Variants in ANK3 observed in about 807,000 individuals in gnomAD.
ANK3 encodes ankyrin-3.
Under a neutral mutation model 370.9 loss-of-function variants are expected in ANK3, and 57 were observed. That is an observed-to-expected ratio of 0.15 (90% CI 0.12 to 0.19). The LOEUF (loss-of-function observed/expected upper bound fraction) is 0.19, where lower values mean the gene tolerates loss of function less well. ANK3 is among the 10% of genes least tolerant of loss of function. The pLI is 1.00. For missense variants in ANK3, 4,439 were observed against 5,302.1 expected, an observed-to-expected ratio of 0.84 and a Z score of 5.06; for synonymous variants, 1,929 against 1,946.3, an observed-to-expected ratio of 0.99 and a Z score of 0.23.
intron 41 of ANK3, among the ~76,000 whole-genome samples, chr10:60,058,458 C>G (rs1589371517): frequency 6.6e-6 from 1 of 152,066 alleles, no homozygotes; most frequent in Admixed American, 6.6e-5. Flanking sequence ...AACTGTGTAT[C>G]TTTCAAATTA....
At chr10:60,652,859 A>C (rs1445701077) in intron 1 of ANK3, among the ~76,000 whole-genome samples, 2 of 152,170 alleles carry the variant, frequency 1.3e-5, no homozygotes, top group East Asian at 3.9e-4. Flanking sequence ...GGCTCTCTAG[A>C]GACCAGATAG....
intron 1 of ANK3, among the ~76,000 whole-genome samples, chr10:60,648,748 T>G (rs1256396099): frequency 1.5e-5 from 2 of 129,612 alleles, no homozygotes; most frequent in Admixed American, 1.7e-4. Flanking sequence ...CCAGCCTGGG[T>G]GACAGAATAA....
chr10:60,273,641 A>G (rs1235512361), intron 4 of ANK3, among the ~76,000 whole-genome samples: 1 of 152,192 alleles, frequency 6.6e-6, no homozygotes, highest in Non-Finnish European at 1.5e-5. Flanking sequence ...AGAGATAGTG[A>G]TATGATTTGG....
intron 2 of ANK3, among the ~76,000 whole-genome samples, chr10:60,580,016 A>G (rs1416611209): frequency 6.6e-6 from 1 of 152,224 alleles, no homozygotes; most frequent in Admixed American, 6.5e-5. Flanking sequence ...AACCTCATCA[A>G]CATAAGTTAG....
At chr10:60,430,461 C>T (rs930267469) in intron 2 of ANK3, among the ~76,000 whole-genome samples, 2 of 139,178 alleles carry the variant, frequency 1.4e-5, no homozygotes, top group African/African-American at 5.4e-5. Context: ...CTTCTCTATT[C>T]TCAGAATCTG....
At chr10:60,464,049 CTG>C in intron 2 of ANK3, among the ~76,000 whole-genome samples, 1 of 152,274 alleles carries the variant, frequency 6.6e-6, no homozygotes, top group Middle Eastern at 3.4e-3. Flanking sequence ...TCTCTCCACA[CTG>C]TATGAAACTT....
intron 8 of ANK3, among the ~76,000 whole-genome samples, chr10:60,220,912 A>G (rs1591953102): frequency 6.6e-6 from 1 of 152,186 alleles, no homozygotes; most frequent in East Asian, 1.9e-4. Context: ...CAGAAAAATA[A>G]CTATTTTAGC....
chr10:60,353,384 C>A (rs1566794213), intron 1 of ANK3, among the ~76,000 whole-genome samples: 1 of 152,060 alleles, frequency 6.6e-6, no homozygotes, highest in Non-Finnish European at 1.5e-5. Context: ...AATAGAATAT[C>A]TTTTCATTAC....
At chr10:60,426,632 G>T (rs2063894139) in intron 2 of ANK3, among the ~76,000 whole-genome samples, 1 of 152,058 alleles carries the variant, frequency 6.6e-6, no homozygotes, top group Admixed American at 6.6e-5. Context: ...GTGCTAATAT[G>T]TAAGAAGTGC....
chr10:60,705,783 T>A (rs1429835047), intron 1 of ANK3, among the ~76,000 whole-genome samples: 1 of 151,824 alleles, frequency 6.6e-6, no homozygotes, highest in African/African-American at 2.4e-5. Flanking sequence ...TCATTATACA[T>A]TCCCAGTTTT....
intron 25 of ANK3, among the ~76,000 whole-genome samples, chr10:60,119,779 T>A (rs1238252170): frequency 6.6e-6 from 1 of 151,878 alleles, no homozygotes; most frequent in Non-Finnish European, 1.5e-5. Flanking sequence ...CTCAAAAAAA[T>A]AATAAATAAA....
At chr10:60,046,843 G>A (rs1446129395) in intron 42 of ANK3, among the ~76,000 whole-genome samples, 1 of 134,154 alleles carries the variant, frequency 7.5e-6, no homozygotes, top group East Asian at 2.2e-4. Flanking sequence ...GTCTCGCTCT[G>A]TTGCCCCAGC....
intron 23 of ANK3, chr10:60,140,297 T>G: frequency 6.4e-7 from 1 of 1,566,762 alleles, no homozygotes. Context: ...TATTTGCACA[T>G]TCACTGCATC....
chr10:60,140,729 T>C (rs2132214700), intron 23 of ANK3: 2 of 1,154,638 alleles, frequency 1.7e-6, no homozygotes, highest in Non-Finnish European at 2.1e-6. Context: ...GACAGAATGG[T>C]GACATAAATG....
At position 60,664,599 on chromosome 10, in the gene ANK3, T is replaced by C. The variant is rs1182525089; in HGVS notation, c.58-49375A>G. On this transcript the variant is annotated intron_variant, in intron 1 of 43. Coordinates refer to the ANK3 transcript ENST00000373827. ...CAAAACAAACCAATGCAGGCCAAAA[T>C]GGTTAGCAGAAGGCTCATGAGTTAA... 1.3e-5 allele frequency among the ~76,000 whole-genome samples: 2 copies of C among 152,046 alleles called. 1 individual carries two copies. The highest frequency in any genetic ancestry group is 2.9e-5 in the Non-Finnish European group (2 of 68,000).
rs769597223 is a variant in ANK3 at position 60,389,441 on chromosome 10, C to T, written c.98G>A (p.Arg33Gln). The change falls in exon 1 of 44, where the codon CGG becomes CAG. Residue 33 changes from arginine to glutamine, a missense_variant. Transcript: ENST00000280772. ...EKKRKHRKRS[R>Q]DRKKKSDANA... The stretch of plus-strand genomic sequence containing the variant: ...CATAGATACCTTTTTCTTCCGATCC[C>T]GGGACCGTTTGCGGTGTTTCCTTTT... 1.6e-5 allele frequency: 26 copies of T among 1,613,802 alleles called. No homozygotes were observed. The South Asian group carries it at 2.4e-4, about 15-fold the overall frequency.
intron 8 of ANK3, among the ~76,000 whole-genome samples, chr10:60,222,902 C>T (rs2097085943): frequency 6.6e-6 from 1 of 152,132 alleles, no homozygotes; most frequent in South Asian, 2.1e-4. Context: ...AATCTTTCTA[C>T]CTTCCAGACT....
chr10:60,658,988 G>T (rs2078903102), intron 1 of ANK3, among the ~76,000 whole-genome samples: 1 of 151,638 alleles, frequency 6.6e-6, no homozygotes, highest in Non-Finnish European at 1.5e-5. Flanking sequence ...GACGGGAGGG[G>T]AGGATCTTGT....
chr10:60,068,805 A>C lies in ANK3; in HGVS notation c.12076T>G (p.Ser4026Ala). 6.2e-7 allele frequency: 1 copy of C among 1,614,200 alleles called. No individual in the cohort carries two copies. The highest frequency in any genetic ancestry group is 8.5e-7 in the Non-Finnish European group (1 of 1,180,032). ...EEEKKMQSELSDEEESTSRNT... is the reference protein window; with the variant it reads ...EEEKKMQSELADEEESTSRNT... ...CTTGAGGTACTTTCTTCCTCATCGG[A>C]CAACTCGGACTGCATCTTTTTTTCT... The change falls in exon 37 of 44, where the codon TCC becomes GCC. Residue 4026 changes from serine (S) to alanine (A), a missense_variant. Ser to Ala is a moderately conservative substitution (Grantham distance 99, BLOSUM62 1). Coordinates refer to ENST00000280772, the MANE Select transcript of ANK3 (RefSeq NM_020987.5).
Sources: allele counts gnomAD v4.1 joint callset (sites outside exome capture counted in the v4.1 genomes callset), GRCh38; gene constraint gnomAD v4.1.1; transcripts MANE v1.5; gene names NCBI Gene and HGNC (gene_info 2026-07-23, HGNC 2026-07-21).